VAPB: variants seen among roughly 807,000 people sequenced by gnomAD.
VAPB encodes the protein vesicle-associated membrane protein-associated protein B/C.
In VAPB, 7 loss-of-function variants were observed where a neutral mutation model predicts 25.6. The observed-to-expected ratio is 0.27, with a 90% CI of 0.16 to 0.51. VAPB has a LOEUF of 0.51. Among genes scored for constraint, VAPB ranks in the 20% least tolerant of loss-of-function variants. VAPB has a pLI of 0.97. For missense variants in VAPB, 266 were observed against 301.3 expected, an observed-to-expected ratio of 0.88 and a Z score of 0.87; for synonymous variants, 112 against 109.2, an observed-to-expected ratio of 1.03 and a Z score of -0.16.
chr20:58,413,500 G>T (rs1793331715), intron 1 of VAPB, among the ~76,000 whole-genome samples: 1 of 152,148 alleles, frequency 6.6e-6, no homozygotes, highest in Non-Finnish European at 1.5e-5. Flanking sequence ...CAAGGCAGAA[G>T]TTTTCTTAGT....
intron 3 of VAPB, among the ~76,000 whole-genome samples, chr20:58,435,631 A>G (rs1455505748): frequency 6.6e-6 from 1 of 152,224 alleles, no homozygotes; most frequent in Admixed American, 6.5e-5. Flanking sequence ...CCCATGCCCT[A>G]TGTCACCACA....
At chr20:58,441,229 C>T in intron 5 of VAPB, 146 bp downstream of exon 5, 1 of 847,828 alleles carries the variant, frequency 1.2e-6, no homozygotes, top group South Asian at 1.6e-5. Context: ...GAGAAATTTC[C>T]ATGGCTTTCA....
chr20:58,435,890 T>C (rs1989034055), intron 3 of VAPB, among the ~76,000 whole-genome samples: 1 of 152,152 alleles, frequency 6.6e-6, no homozygotes, highest in African/African-American at 2.4e-5. Context: ...AAGGGTGTGT[T>C]CTGTTTGGCT....
At chr20:58,400,533 G>A (rs949314241) in intron 1 of VAPB, among the ~76,000 whole-genome samples, 1 of 152,076 alleles carries the variant, frequency 6.6e-6, no homozygotes, top group African/African-American at 2.4e-5. Context: ...TCACTTTCAC[G>A]TTTTGTTTTA....
At chr20:58,402,703 T>G (rs1988129043) in intron 1 of VAPB, among the ~76,000 whole-genome samples, 3 of 151,972 alleles carry the variant, frequency 2.0e-5, no homozygotes. Flanking sequence ...GGTTGGTGTT[T>G]AGGAGAAAGC....
At position 58,418,060 on chromosome 20, in the gene VAPB, A is replaced by C. The variant is rs1370353214; in HGVS notation, c.59-151A>C. 1.0e-5 allele frequency: 11 copies of C among 1,061,808 alleles called. No homozygotes were observed. The African/African-American group carries it at 1.4e-4, about 13-fold the overall frequency. The allele number at this position is 1,061,808 out of a possible 1,614,324, so 65.8% of individuals were successfully genotyped here. ...TATTAGACGTTACTGCTAGTGCATT[A>C]ACCTCAGCTCATCTCTTTCATCCAT... is the stretch of plus-strand genomic sequence containing the variant. On this transcript the variant is annotated intron_variant, in intron 1 of 5. Transcript: ENST00000475243.
intron 1 of VAPB, among the ~76,000 whole-genome samples, chr20:58,406,574 A>G (rs1409000276): frequency 6.6e-6 from 1 of 152,234 alleles, no homozygotes; most frequent in African/African-American, 2.4e-5. Context: ...ATCAAGGTGC[A>G]GAATGCTAAA....
intron 1 of VAPB, among the ~76,000 whole-genome samples, chr20:58,390,523 C>G (rs1330997541): frequency 6.6e-6 from 1 of 152,088 alleles, no homozygotes; most frequent in East Asian, 1.9e-4. Flanking sequence ...AAGGCCTCTG[C>G]TCTCACAGAG....
chr20:58,392,032 A>G (rs1209520021), intron 1 of VAPB, among the ~76,000 whole-genome samples: 1 of 152,160 alleles, frequency 6.6e-6, no homozygotes, highest in Non-Finnish European at 1.5e-5. Flanking sequence ...TCCCAGTACA[A>G]ACTCTGTTGT....
At chr20:58,421,222 T>C (rs1404080891) in intron 2 of VAPB, among the ~76,000 whole-genome samples, 1 of 152,202 alleles carries the variant, frequency 6.6e-6, no homozygotes, top group Non-Finnish European at 1.5e-5. Context: ...GAGAATAGTG[T>C]CTACCTTACA....
At chr20:58,443,333 A>G (rs1989201264) in intron 5 of VAPB, among the ~76,000 whole-genome samples, 1 of 151,564 alleles carries the variant, frequency 6.6e-6, no homozygotes, top group Admixed American at 6.6e-5. Context: ...TCTGGATGTA[A>G]CTCATTAAGT....
At chr20:58,392,426 A>C (rs758926167) in intron 1 of VAPB, among the ~76,000 whole-genome samples, 7 of 152,218 alleles carry the variant, frequency 4.6e-5, no homozygotes, top group Admixed American at 6.5e-5. Flanking sequence ...GTGGTACCAA[A>C]TTGTTGAAGG....
intron 5 of VAPB, 24 bp from the exon 6 acceptor site, chr20:58,444,053 T>C (rs1188696891): frequency 1.2e-6 from 2 of 1,614,200 alleles, no homozygotes; most frequent in Admixed American, 1.7e-5. Context: ...GGCTTGTCTT[T>C]GAAATGTGCG....
In VAPB at chr20:58,450,146, C is replaced by G. The variant is rs901761408; in HGVS notation, c.*5911C>G. 3.7e-5 allele frequency: 17 copies of G among 453,962 alleles called. No individual in the cohort carries two copies. The highest frequency in any genetic ancestry group is 3.4e-4 in the African/African-American group (17 of 49,994). 28.1% of individuals were successfully genotyped at this position (453,962 alleles called of 1,614,324 possible). On this transcript the variant is annotated 3_prime_UTR_variant, in exon 6 of 6. Transcript: ENST00000475243. ...TTTCTCCGAACTGGCTGCCTGCATT[C>G]CCGTCTTTCTTTTGTTTTTAAGAAA...
chr20:58,444,883 C>T lies in VAPB; in HGVS notation c.*648C>T. 2.2e-6 allele frequency: 1 copy of T among 454,566 alleles called. No individual in the cohort carries two copies. The allele number at this position is 454,566 out of a possible 1,614,324, so 28.2% of individuals were successfully genotyped here. ...GCTTTGTTCACTTAAAGGGACCAAG[C>T]TAAATTTGTATTGGTTCATGTAGTG... On this transcript the variant is annotated 3_prime_UTR_variant, in exon 6 of 6. Transcript: ENST00000475243.
At chr20:58,431,058 A>G (rs773821616) in intron 2 of VAPB, 5 of 152,248 alleles carry the variant, frequency 3.3e-5, no homozygotes, top group Admixed American at 6.5e-5. Flanking sequence ...AAATCTGAAC[A>G]TTCTTCGATA....
At chr20:58,391,023 T>G (rs75165360) in intron 1 of VAPB, among the ~76,000 whole-genome samples, 20 of 152,368 alleles carry the variant, frequency 1.3e-4, no homozygotes, top group Admixed American at 4.6e-4. Flanking sequence ...ACTTGAGCTT[T>G]CATGATGTTC....
intron 2 of VAPB, among the ~76,000 whole-genome samples, chr20:58,422,534 A>G (rs1299394721): frequency 2.0e-5 from 3 of 151,852 alleles, no homozygotes; most frequent in African/African-American, 4.8e-5. Context: ...TCTGAACTGT[A>G]CGGTGGGAAA....
chr20:58,423,414 CAAAAAAAAAAAAAAAA>C (rs59133081), intron 2 of VAPB, among the ~76,000 whole-genome samples: 34 of 34,760 alleles, frequency 9.8e-4, no homozygotes, highest in African/African-American at 1.6e-3. Context: ...CTCCATCTCA[CAAAAAAAAAAAAAAAA>C]AAAAAAAAAA....
Sources: gnomAD v4.1 joint callset for allele counts (sites outside exome capture counted in the v4.1 genomes callset) on GRCh38, gnomAD v4.1.1 for gene constraint, MANE v1.5 for transcripts, NCBI Gene and HGNC (gene_info 2026-07-23, HGNC 2026-07-21) for gene names.